Variants in WIPF1 observed in about 807,000 individuals in gnomAD.
WIPF1 encodes WAS/WASL-interacting protein family member 1.
A neutral mutation model predicts 35.4 loss-of-function variants in WIPF1; 13 were observed. That is an observed-to-expected ratio of 0.37 (90% confidence interval 0.24 to 0.58). The LOEUF is 0.58. Ranked by LOEUF, WIPF1 falls within the 20% of genes least tolerant of loss-of-function variation. The pLI is 0.74. For synonymous variants in WIPF1, 267 were observed against 266.3 expected (o/e 1.00, Z -0.02); for missense variants, 591 against 667.0 (o/e 0.89, Z 1.25).
chr2:174,623,132 G>GTAATACATATAATACATA (rs1401281586), intron 1 of WIPF1, among the ~76,000 whole-genome samples: 51 of 152,230 alleles, frequency 3.4e-4, no homozygotes, highest in African/African-American at 1.2e-3. Flanking sequence ...ATTTCAAATG[G>GTAATACATATAATACATA]TAATACATAT....
chr2:174,633,937 G>A (rs1171429794), intron 1 of WIPF1, among the ~76,000 whole-genome samples: 2 of 152,018 alleles, frequency 1.3e-5, no homozygotes, highest in East Asian at 1.9e-4. Context: ...GTAAAAGAAG[G>A]AAGGAAAGAA....
intron 1 of WIPF1, among the ~76,000 whole-genome samples, chr2:174,650,747 G>C (rs1021122304): frequency 6.6e-6 from 1 of 152,230 alleles, no homozygotes; most frequent in Admixed American, 6.5e-5. Context: ...TCATCCCTAT[G>C]CTAGGGACCC....
intron 1 of WIPF1, among the ~76,000 whole-genome samples, chr2:174,666,486 G>C (rs1051014097): frequency 2.0e-5 from 3 of 152,226 alleles, no homozygotes; most frequent in African/African-American, 7.2e-5. Context: ...ACCAGGGTCA[G>C]TTATGGCACA....
At chr2:174,675,262 CTT>C (rs1303328708) in intron 1 of WIPF1, among the ~76,000 whole-genome samples, 1 of 152,104 alleles carries the variant, frequency 6.6e-6, no homozygotes, top group Admixed American at 6.6e-5. Flanking sequence ...AATTTATTAA[CTT>C]TATATATTTC....
At chr2:174,624,936 C>T (rs139856915) in intron 1 of WIPF1, among the ~76,000 whole-genome samples, 346 of 152,284 alleles carry the variant, frequency 2.3e-3, no homozygotes, top group Middle Eastern at 0.01. Flanking sequence ...CGCCCTACAG[C>T]GTTCTGACAA....
At chr2:174,651,483 G>T (rs1238148790) in intron 1 of WIPF1, among the ~76,000 whole-genome samples, 1 of 152,110 alleles carries the variant, frequency 6.6e-6, no homozygotes, top group East Asian at 1.9e-4. Flanking sequence ...CTATAAAATT[G>T]CAGCAGAGCT....
In WIPF1 at chr2:174,653,759, A is replaced by G. The variant is rs111744889; in HGVS notation, c.-39+29015T>C. ...TCTGTCTCAAAAAAAAAAAAAAAAA[A>G]AAAGAAACAGAGTTCACAGTACTTC... On this transcript the variant is annotated intron_variant, in intron 1 of 8. Coordinates refer to the WIPF1 transcript ENST00000272746. 7.7e-3 allele frequency among the ~76,000 whole-genome samples: 1,162 copies of G among 151,748 alleles called. 8 individuals are homozygous for G. Among genetic ancestry groups the G allele is most frequent in the Middle Eastern group, 0.024 (7 of 294 alleles).
At chr2:174,633,182 G>A (rs1687081099) in intron 1 of WIPF1, among the ~76,000 whole-genome samples, 1 of 152,030 alleles carries the variant, frequency 6.6e-6, no homozygotes, top group Non-Finnish European at 1.5e-5. Context: ...CCATTTTCTT[G>A]TACAACTTGG....
At chr2:174,663,204 C>A (rs1225491595) in intron 1 of WIPF1, among the ~76,000 whole-genome samples, 1 of 152,204 alleles carries the variant, frequency 6.6e-6, no homozygotes, top group Non-Finnish European at 1.5e-5. Flanking sequence ...GAAAAAGTCA[C>A]TTTCCTGACC....
intron 1 of WIPF1, among the ~76,000 whole-genome samples, chr2:174,671,476 C>T (rs1288866815): frequency 1.3e-5 from 2 of 152,156 alleles, no homozygotes; most frequent in Non-Finnish European, 2.9e-5. Context: ...AAAAAGAACA[C>T]GATAACAGCA....
At position 174,560,415 on chromosome 2, in the gene WIPF1, T is replaced by G. The variant is rs1684455596; in HGVS notation, c.*2132A>C. 1 of 152,578 alleles carries G rather than the reference T, an allele frequency of 6.6e-6. No homozygotes were observed. The highest frequency in any genetic ancestry group is 6.5e-5 in the Admixed American group (1 of 15,278). 9.5% of individuals were successfully genotyped at this position (152,578 alleles called of 1,614,324 possible). A position where few individuals can be genotyped will look rare whatever the true frequency, so the allele number is the denominator to read the frequency against. On this transcript the variant is annotated 3_prime_UTR_variant, in exon 8 of 8. Transcript: ENST00000679041. ...AAAATTCAGACCCACTTTCTCTGAG[T>G]CAGACTTTTCTCCGTCATATTTTCT...
chr2:174,577,055 T>C (rs1272512942), intron 3 of WIPF1, among the ~76,000 whole-genome samples: 1 of 152,232 alleles, frequency 6.6e-6, no homozygotes, highest in Non-Finnish European at 1.5e-5. Flanking sequence ...AGTTTTTTAG[T>C]TTTTATGATA....
chr2:174,585,237 A>C (rs768080794), intron 2 of WIPF1, among the ~76,000 whole-genome samples: 2 of 152,230 alleles, frequency 1.3e-5, no homozygotes, highest in Non-Finnish European at 2.9e-5. Flanking sequence ...TGCAAACCCT[A>C]TCTTGGGCCA....
intron 1 of WIPF1, among the ~76,000 whole-genome samples, chr2:174,641,659 A>G (rs566820189): frequency 6.6e-6 from 1 of 152,298 alleles, no homozygotes. Context: ...GCTACTCTAA[A>G]TACTATTTAC....
At chr2:174,589,838 C>A (rs1356967655) in intron 1 of WIPF1, among the ~76,000 whole-genome samples, 1 of 152,150 alleles carries the variant, frequency 6.6e-6, no homozygotes, top group Admixed American at 6.5e-5. Flanking sequence ...TTGTTTAAAC[C>A]ATTAATAAAG....
chr2:174,564,758 G>T (rs1281276038), intron 7 of WIPF1, among the ~76,000 whole-genome samples: 1 of 150,468 alleles, frequency 6.6e-6, no homozygotes, highest in South Asian at 2.1e-4. Flanking sequence ...TTCATTTATT[G>T]GTGCCCAAGA....
chr2:174,586,983 A>C (rs1048994181), intron 1 of WIPF1, among the ~76,000 whole-genome samples: 5 of 152,228 alleles, frequency 3.3e-5, no homozygotes, highest in African/African-American at 1.2e-4. Context: ...TTTAAACTGC[A>C]GAATTATATT....
chr2:174,606,908 C>A (rs554713556), intron 1 of WIPF1, among the ~76,000 whole-genome samples: 1 of 152,146 alleles, frequency 6.6e-6, no homozygotes, highest in African/African-American at 2.4e-5. Context: ...AGGCCAGATA[C>A]GGTTCTGGAT....
chr2:174,656,251 G>T (rs527297538), intron 1 of WIPF1: 13 of 152,350 alleles, frequency 8.5e-5, no homozygotes, highest in African/African-American at 3.1e-4. Context: ...CCATCCAAGA[G>T]TGCAGAATTT....
Sources: allele counts gnomAD v4.1 joint callset (sites outside exome capture counted in the v4.1 genomes callset), GRCh38; gene constraint gnomAD v4.1.1; transcripts MANE v1.5; gene names NCBI Gene and HGNC (gene_info 2026-07-23, HGNC 2026-07-21).